VEZT: variants seen among roughly 807,000 people sequenced by gnomAD.
The protein encoded by VEZT is vezatin, adherens junctions transmembrane protein.
VEZT carries 39 observed loss-of-function variants against 79.9 expected under a neutral mutation model. The ratio of observed to expected loss-of-function variants is 0.49; its 90% confidence interval spans 0.38 to 0.64. The LOEUF is 0.64. Ranked by LOEUF, VEZT falls within the 30% of genes least tolerant of loss-of-function variation. VEZT has a pLI of 0.00. For missense variants in VEZT, 837 were observed against 893.1 expected, an observed-to-expected ratio of 0.94 and a Z score of 0.80; for synonymous variants, 325 against 327.6, an observed-to-expected ratio of 0.99 and a Z score of 0.09.
Position 95,266,419 on chromosome 12 carries a change from T to C in VEZT, c.497T>C (p.Val166Ala). ...GTTATGCTTCCCACTTGGTGGATTG[T>C]GTCTTCCTGGCTGGTATGGGGAGTG... ...LLVMLPTWWI[V>A]SSWLVWGVIL... Residue 166 changes from valine to alanine, a missense_variant, in exon 5 of 12, where the codon GTG (valine) becomes GCG (alanine). Val to Ala is a moderately conservative substitution (Grantham distance 64). Transcript: ENST00000436874. The C allele has an allele frequency of 6.2e-7, 1 of 1,613,970 alleles. No homozygotes were observed. Among genetic ancestry groups the C allele is most frequent in the Non-Finnish European group, 8.5e-7 (1 of 1,179,864 alleles).
chr12:95,295,985 T>C lies in VEZT; in HGVS notation c.1624-66T>C. On this transcript the variant is annotated intron_variant, in intron 10 of 11. Coordinates refer to ENST00000436874, the MANE Select transcript of VEZT (RefSeq NM_017599.4). ...AATCTCAGAGATAAGTAAGTGCAAG[T>C]AAATGAATGCTTACTAGAGAATTGT... The C allele has an allele frequency of 2.5e-6, 3 of 1,182,046 alleles. No homozygotes were observed. The East Asian group carries it at 7.8e-5, about 31-fold the overall frequency. 73.2% of individuals were successfully genotyped at this position (1,182,046 alleles called of 1,614,324 possible). A position where few individuals can be genotyped will look rare whatever the true frequency, so the allele number is the denominator to read the frequency against.
At position 95,282,653 on chromosome 12, in the gene VEZT, AG is replaced by A. The variant is rs1256710616; in HGVS notation, c.1328+10del. 6.3e-6 allele frequency: 10 copies of A among 1,577,410 alleles called. No homozygotes were observed. Among genetic ancestry groups the A allele is most frequent in the Non-Finnish European group, 8.6e-6 (10 of 1,159,248 alleles). ...AAAGCATTACTGAATGAGTAAGTTT[AG>A]AAATTATACCAAGAAAGGTCTCGGT... On this transcript the variant is annotated intron_variant, in intron 8 of 11. Transcript: ENST00000436874.
intron 1 of VEZT, among the ~76,000 whole-genome samples, chr12:95,234,581 C>T (rs1311600773): frequency 6.6e-6 from 1 of 152,130 alleles, no homozygotes; most frequent in Non-Finnish European, 1.5e-5. Flanking sequence ...AGACATGAGC[C>T]ACCGCGCCAG....
intron 1 of VEZT, among the ~76,000 whole-genome samples, chr12:95,230,810 A>G (rs2059176853): frequency 6.6e-6 from 1 of 152,126 alleles, no homozygotes; most frequent in Non-Finnish European, 1.5e-5. Flanking sequence ...GTGCCAGTTA[A>G]TTAGCTAGAT....
In VEZT at chr12:95,282,417, A is replaced by C. The variant is rs1417412213; in HGVS notation, c.1101A>C (p.Ala367=). The part of the protein sequence containing the change: ...NSPPGPLLTP[A]LLPHRILSDV... Reference sequence around the variant, plus strand: ...CTCCTGGGCCCTTACTTACTCCAGCACTTCTGCCTCATCGTATCTTATCTG... The same window carrying C: ...CTCCTGGGCCCTTACTTACTCCAGCCCTTCTGCCTCATCGTATCTTATCTG... Residue 367 remains alanine (A), a synonymous_variant, in exon 8 of 12, where the codon GCA becomes GCC. Transcript: ENST00000436874. 6.2e-7 allele frequency: 1 copy of C among 1,613,900 alleles called. No individual in the cohort carries two copies. The highest frequency in any genetic ancestry group is 8.5e-7 in the Non-Finnish European group (1 of 1,179,882).
At chr12:95,235,692 C>G (rs569752258) in intron 1 of VEZT, among the ~76,000 whole-genome samples, 1 of 150,014 alleles carries the variant, frequency 6.7e-6, no homozygotes, top group Non-Finnish European at 1.5e-5. Flanking sequence ...CCCTCCCGGA[C>G]GGGGCGGCTG....
Position 95,300,944 on chromosome 12 carries a change from A to C in VEZT, c.*271A>C, listed in dbSNP as rs1255603326. 4.2e-6 allele frequency: 1 copy of C among 237,234 alleles called. No homozygotes were observed. 14.7% of individuals were successfully genotyped at this position (237,234 alleles called of 1,614,324 possible). A position where few individuals can be genotyped will look rare whatever the true frequency, so the allele number is the denominator to read the frequency against. On this transcript the variant is annotated 3_prime_UTR_variant, in exon 12 of 12. Coordinates refer to ENST00000436874, the MANE Select transcript of VEZT (RefSeq NM_017599.4). The stretch of plus-strand genomic sequence containing the variant: ...ACTGATCAATCTTGGAAATTCTTTA[A>C]GTATTTTTAATAAGAAATGAATTAT...
chr12:95,288,499 C>T (rs530702311), intron 9 of VEZT, among the ~76,000 whole-genome samples: 5 of 152,134 alleles, frequency 3.3e-5, no homozygotes, highest in Non-Finnish European at 7.4e-5. Flanking sequence ...AACTGTGCTG[C>T]AAATCAGTAC....
chr12:95,285,439 G>A (rs576832787), intron 8 of VEZT, among the ~76,000 whole-genome samples: 13 of 152,020 alleles, frequency 8.6e-5, no homozygotes, highest in South Asian at 2.1e-4. Context: ...GTGAGACCCT[G>A]TCTCAAAAAA....
At chr12:95,227,946 G>A (rs2058722372) in intron 1 of VEZT, among the ~76,000 whole-genome samples, 1 of 152,134 alleles carries the variant, frequency 6.6e-6, no homozygotes, top group African/African-American at 2.4e-5. Context: ...GTATTAAAGG[G>A]ATCTTTTACT....
At chr12:95,225,848 C>G (rs972957883) in intron 1 of VEZT, among the ~76,000 whole-genome samples, 2 of 136,900 alleles carry the variant, frequency 1.5e-5, no homozygotes, top group Non-Finnish European at 3.1e-5. Flanking sequence ...AATGAAAGAA[C>G]AAGGCCAGCA....
At chr12:95,297,157 CT>C (rs1203030401) in intron 11 of VEZT, among the ~76,000 whole-genome samples, 4 of 152,140 alleles carry the variant, frequency 2.6e-5, no homozygotes, top group African/African-American at 9.7e-5. Context: ...TCTCACCCTT[CT>C]TTTCTTAAGT....
intron 2 of VEZT, among the ~76,000 whole-genome samples, chr12:95,253,800 T>G (rs2063008358): frequency 6.6e-6 from 1 of 152,084 alleles, no homozygotes; most frequent in African/African-American, 2.4e-5. Context: ...AGCCAGAGGT[T>G]GTTTTAAAAA....
intron 4 of VEZT, 118 bp from the exon 5 acceptor site, chr12:95,266,239 A>C (rs933608840): frequency 1.2e-5 from 13 of 1,118,964 alleles, no homozygotes; most frequent in Non-Finnish European, 1.5e-5. Context: ...TTTACAAAGA[A>C]GCTAGCATTT....
At chr12:95,237,681 C>T (rs769557796) in intron 1 of VEZT, among the ~76,000 whole-genome samples, 18 of 152,326 alleles carry the variant, frequency 1.2e-4, no homozygotes, top group Middle Eastern at 3.4e-3. Context: ...TCTGTTGTGG[C>T]TCTGTTTCCC....
At chr12:95,273,952 A>G (rs937927607) in intron 6 of VEZT, among the ~76,000 whole-genome samples, 1 of 152,212 alleles carries the variant, frequency 6.6e-6, no homozygotes, top group African/African-American at 2.4e-5. Flanking sequence ...TGTGTCTGTA[A>G]GGATGAGGGC....
intron 4 of VEZT, among the ~76,000 whole-genome samples, chr12:95,265,395 C>A (rs2065342575): frequency 6.7e-6 from 1 of 149,282 alleles, no homozygotes; most frequent in Non-Finnish European, 1.5e-5. Context: ...AATTACTCAT[C>A]AAGTGTGTAT....
In VEZT at chr12:95,282,546, G is replaced by A. The variant is rs547472097; in HGVS notation, c.1230G>A (p.Pro410=). The A allele has an allele frequency of 5.9e-4, 952 of 1,613,942 alleles. 9 individuals carry two copies. In the South Asian group the frequency reaches 9.4e-3, roughly 16 times the overall value. ...RYFETQHQSV[P]QCLSKTQQKS... is the part of the protein sequence containing the mutation. Reference sequence around the variant, plus strand: ...TTGAAACTCAGCACCAGTCAGTACCGCAGTGTTTATCCAAAACTCAACAGA... The same window carrying A: ...TTGAAACTCAGCACCAGTCAGTACCACAGTGTTTATCCAAAACTCAACAGA... The change falls in exon 8 of 12, where the codon CCG becomes CCA. Residue 410 remains proline (P), a synonymous_variant. Transcript: ENST00000436874.
intron 1 of VEZT, among the ~76,000 whole-genome samples, chr12:95,227,334 CT>C (rs62891361): frequency 0.3 from 37,679 of 125,772 alleles, 5,261 homozygotes; most frequent in African/African-American, 0.41. Context: ...CTAATTTTTT[CT>C]TTTTTTTTTT....
Sources: gnomAD v4.1 joint callset for allele counts (sites outside exome capture counted in the v4.1 genomes callset) on GRCh38, gnomAD v4.1.1 for gene constraint, MANE v1.5 for transcripts, NCBI Gene and HGNC (gene_info 2026-07-23, HGNC 2026-07-21) for gene names.